The following ZC3H3 variants were observed in gnomAD, a reference collection of about 807,000 sequenced individuals.
ZC3H3 encodes the protein zinc finger CCCH domain-containing protein 3.
Under a neutral mutation model 77.3 loss-of-function variants are expected in ZC3H3, and 36 were observed. The observed-to-expected ratio is 0.47, with a 90% CI of 0.36 to 0.61. The LOEUF is 0.61. Among genes scored for constraint, ZC3H3 ranks in the 20% least tolerant of loss-of-function variants. ZC3H3 has a pLI of 0.00. For missense variants in ZC3H3, 1,331 were observed against 1,312.2 expected, an observed-to-expected ratio of 1.01 and a Z score of -0.22; for synonymous variants, 626 against 555.2, an observed-to-expected ratio of 1.13 and a Z score of -1.79.
Position 143,462,839 on chromosome 8 carries a change from C to CGCTG in ZC3H3, c.2307+2874_2307+2877dup, listed in dbSNP as rs1820301814. 6.6e-6 allele frequency among the ~76,000 whole-genome samples: 1 copy of CGCTG among 152,202 alleles called. No individual in the cohort carries two copies. The highest frequency in any genetic ancestry group is 2.4e-5 in the African/African-American group (1 of 41,454). On this transcript the variant is annotated intron_variant, in intron 9 of 11. Coordinates refer to ENST00000262577, the MANE Select transcript of ZC3H3 (RefSeq NM_015117.3). The surrounding 1 kb of genome is among the most constrained non-coding windows in gnomAD (Gnocchi z 4.7). ...GCTCCCCAGCCCTGTGCACTGGGGG[C>CGCTG]GCTGGCAGCAGCCAACACCCTAGCT...
intron 5 of ZC3H3, among the ~76,000 whole-genome samples, chr8:143,470,377 CA>C (rs1481128403): frequency 5.9e-5 from 9 of 152,182 alleles, no homozygotes; most frequent in Non-Finnish European, 1.0e-4. Flanking sequence ...TGTGGGGGGC[CA>C]GGGGCAAAGG....
At chr8:143,506,506 T>C (rs895710828) in intron 4 of ZC3H3, among the ~76,000 whole-genome samples, 1 of 151,988 alleles carries the variant, frequency 6.6e-6, no homozygotes, top group Non-Finnish European at 1.5e-5. Context: ...CACTTAGCAA[T>C]GTGAATTAAT....
intron 3 of ZC3H3, among the ~76,000 whole-genome samples, chr8:143,527,982 T>C (rs1822473412): frequency 6.6e-6 from 1 of 152,224 alleles, no homozygotes; most frequent in Non-Finnish European, 1.5e-5. Context: ...CCCTGCCTCC[T>C]GCATCCGGCA....
intron 3 of ZC3H3, among the ~76,000 whole-genome samples, chr8:143,509,887 A>C (rs1821819620): frequency 6.6e-6 from 1 of 152,122 alleles, no homozygotes; most frequent in Admixed American, 6.5e-5. Context: ...TTCGGCTAAA[A>C]TCACTTCTAA....
At chr8:143,449,606 T>C (rs1819938080) in intron 9 of ZC3H3, among the ~76,000 whole-genome samples, 1 of 152,086 alleles carries the variant, frequency 6.6e-6, no homozygotes, top group Admixed American at 6.6e-5. Context: ...GGTGTGGTGG[T>C]ACATGCCTGT....
intron 5 of ZC3H3, among the ~76,000 whole-genome samples, chr8:143,469,829 C>T (rs377453474): frequency 4.6e-5 from 7 of 152,214 alleles, no homozygotes; most frequent in Non-Finnish European, 8.8e-5. Flanking sequence ...TCCTCAAATA[C>T]GCGCATGATC....
At chr8:143,470,403 T>C (rs1820531043) in intron 5 of ZC3H3, among the ~76,000 whole-genome samples, 1 of 152,080 alleles carries the variant, frequency 6.6e-6, no homozygotes, top group Non-Finnish European at 1.5e-5. Flanking sequence ...GTGATGAGGG[T>C]CTTGGTGCGG....
intron 9 of ZC3H3, among the ~76,000 whole-genome samples, chr8:143,449,967 T>C (rs187617640): frequency 3.3e-5 from 5 of 152,278 alleles, no homozygotes; most frequent in Non-Finnish European, 7.4e-5. Flanking sequence ...GAGCATTTGG[T>C]CACAACAATT....
At chr8:143,488,863 G>A (rs1170095618) in intron 4 of ZC3H3, among the ~76,000 whole-genome samples, 1 of 152,236 alleles carries the variant, frequency 6.6e-6, no homozygotes, top group Non-Finnish European at 1.5e-5. Context: ...CAAGCCAGCT[G>A]GAGACAAGCG....
intron 9 of ZC3H3, among the ~76,000 whole-genome samples, chr8:143,457,451 G>C (rs182291242): frequency 6.6e-6 from 1 of 152,312 alleles, no homozygotes; most frequent in African/African-American, 2.4e-5. Context: ...AATCACAGGA[G>C]CTGGGCTTGG....
intron 4 of ZC3H3, among the ~76,000 whole-genome samples, chr8:143,498,234 C>G (rs577774965): frequency 4.6e-5 from 7 of 152,314 alleles, no homozygotes; most frequent in African/African-American, 1.7e-4. Context: ...CCCATAGACT[C>G]AAGGCTCCTA....
At chr8:143,531,082 C>A (rs1822590873) in intron 3 of ZC3H3, among the ~76,000 whole-genome samples, 1 of 152,008 alleles carries the variant, frequency 6.6e-6, no homozygotes, top group Non-Finnish European at 1.5e-5. Context: ...ACCCCAGCCT[C>A]CCGAGTAGCT....
chr8:143,514,830 G>A (rs573867123), intron 3 of ZC3H3, among the ~76,000 whole-genome samples: 7 of 152,220 alleles, frequency 4.6e-5, no homozygotes, highest in Admixed American at 2.6e-4. Flanking sequence ...GCCACTCTCC[G>A]AGGCAGGACA....
At position 143,530,956 on chromosome 8, in the gene ZC3H3, C is replaced by CAT. The variant is rs1485627490; in HGVS notation, c.1561+5300_1561+5301insAT. 3.4e-4 allele frequency among the ~76,000 whole-genome samples: 45 copies of CAT among 133,524 alleles called. No individual in the cohort carries two copies. Among genetic ancestry groups the CAT allele is most frequent in the Non-Finnish European group, 6.5e-4 (41 of 62,634 alleles). The allele number at this position is 133,524 out of a possible 152,430, so 87.6% of individuals were successfully genotyped here. ...CCCTTCTGGGGCTGTCTTCTATCTC[C>CAT]TTTTTTTTTTTTTTTTTTTTTGAGA... On this transcript the variant is annotated intron_variant, in intron 3 of 11. Transcript: ENST00000262577. This position sits in a 1 kb window ranked among gnomAD's most constrained non-coding sequence, Gnocchi z 4.3.
chr8:143,469,546 C>T (rs1284539833), intron 5 of ZC3H3, among the ~76,000 whole-genome samples: 2 of 152,214 alleles, frequency 1.3e-5, no homozygotes, highest in African/African-American at 4.8e-5. Context: ...CAAGCATAAG[C>T]ACCACCCCCG....
intron 9 of ZC3H3, among the ~76,000 whole-genome samples, chr8:143,445,010 C>T (rs188132601): frequency 8.1e-4 from 124 of 152,242 alleles, no homozygotes; most frequent in African/African-American, 2.2e-3. Context: ...TATTTCTATA[C>T]GCCAATGAAC....
At position 143,468,477 on chromosome 8, in the gene ZC3H3, C is replaced by A; in HGVS notation, c.2010G>T (p.Lys670Asn). The A allele has an allele frequency of 6.2e-7, 1 of 1,608,994 alleles. No homozygotes were observed. Among genetic ancestry groups the A allele is most frequent in the African/African-American group, 1.3e-5 (1 of 74,942 alleles). The change falls in exon 7 of 12, where the codon AAG becomes AAT. Residue 670 changes from lysine to asparagine, a missense_variant. Physicochemically the swap from Lys to Asn is moderately conservative, Grantham distance 94. This residue lies in a region of ZC3H3 where 978 missense variants were observed against 915.5 expected (regional missense o/e 1.07). Transcript: ENST00000262577. Reference protein sequence around the residue: ...RQARQRREKRKEYCMYYNRFG... With the variant: ...RQARQRREKRNEYCMYYNRFG... Reference sequence around the variant, plus strand: ...AGCGGTTGTAGTACATGCAGTACTCCTTCCTCTTCTCCCTGCGCTGCCGCG... The same window carrying A: ...AGCGGTTGTAGTACATGCAGTACTCATTCCTCTTCTCCCTGCGCTGCCGCG...
chr8:143,445,610 G>A (rs1819847296), intron 9 of ZC3H3, among the ~76,000 whole-genome samples: 1 of 151,280 alleles, frequency 6.6e-6, no homozygotes, highest in Non-Finnish European at 1.5e-5. Context: ...GGAGGATTAC[G>A]TGAGCCCAGG....
intron 5 of ZC3H3, among the ~76,000 whole-genome samples, chr8:143,474,186 G>A (rs919790036): frequency 6.6e-5 from 10 of 152,110 alleles, no homozygotes; most frequent in Admixed American, 2.6e-4. Context: ...GTGGGGAAGC[G>A]GAGGCACACA....
Sources: gnomAD v4.1 joint callset for allele counts (sites outside exome capture counted in the v4.1 genomes callset) on GRCh38, gnomAD v4.1.1 for gene constraint, gnomAD v4.1.1 regional missense constraint, Gnocchi (gnomAD v3.1) non-coding constraint, MANE v1.5 for transcripts, NCBI Gene and HGNC (gene_info 2026-07-23, HGNC 2026-07-21) for gene names.